Variants in CLSPN observed in about 807,000 individuals in gnomAD.
The protein encoded by CLSPN is claspin, also known as claspin homolog.
Under a neutral mutation model 156.3 loss-of-function variants are expected in CLSPN, and 85 were observed. The ratio of observed to expected loss-of-function variants is 0.54; its 90% CI spans 0.46 to 0.65. The LOEUF (loss-of-function observed/expected upper bound fraction) is 0.65, where lower values mean the gene tolerates loss of function less well. Among genes scored for constraint, CLSPN ranks in the 30% least tolerant of loss-of-function variants. CLSPN has a pLI of 0.00. For missense variants in CLSPN, 1,407 were observed against 1,554.9 expected (o/e 0.90, Z 1.60); for synonymous variants, 534 against 542.4 (o/e 0.98, Z 0.22).
chr1:35,744,906 C>T (rs12038463), intron 16 of CLSPN, among the ~76,000 whole-genome samples: 28,090 of 151,844 alleles, frequency 0.18, 4,120 homozygotes, highest in East Asian at 0.71. Flanking sequence ...CTCTGCCTCC[C>T]GGGTTCAAGC....
At chr1:35,737,120 T>C in intron 23 of CLSPN, 45 bp from the exon 24 acceptor site, 1 of 1,588,574 alleles carries the variant, frequency 6.3e-7, no homozygotes, top group South Asian at 1.1e-5. Flanking sequence ...AAGTGCCAAC[T>C]AAAGAATGAA....
chr1:35,738,488 C>T lies in CLSPN; in HGVS notation c.3525G>A (p.Glu1175=), dbSNP rs1376888693. Residue 1175 remains glutamate (E), a synonymous_variant, in exon 21 of 25, where the codon GAG becomes GAA. Transcript: ENST00000318121. The part of the protein sequence containing the change: ...LDESEARWRK[E]RIEREQWLRD... ...GAAGCCACTGCTCTCGTTCAATTCG[C>T]TCCTTCCTCCACCTGGCTTCTGACT... 3 of 1,613,986 alleles carry T rather than the reference C, an allele frequency of 1.9e-6. No homozygotes were observed. Among genetic ancestry groups the T allele is most frequent in the Non-Finnish European group, 2.5e-6 (3 of 1,179,914 alleles).
chr1:35,743,366 A>T, intron 17 of CLSPN, 89 bp downstream of exon 17: 1 of 1,386,150 alleles, frequency 7.2e-7, no homozygotes, highest in Non-Finnish European at 1.0e-6. Flanking sequence ...TGCCAAACTT[A>T]GAATTCTCAA....
downstream of CLSPN, among the ~76,000 whole-genome samples, chr1:35,729,231 C>T (rs146527348): frequency 1.1e-4 from 16 of 152,278 alleles, no homozygotes; most frequent in African/African-American, 3.9e-4. Flanking sequence ...GCACTTTCTA[C>T]CCCTTGGACT....
chr1:35,721,655 T>C (rs936673989), intron 24 of CLSPN, among the ~76,000 whole-genome samples: 33 of 151,862 alleles, frequency 2.2e-4, no homozygotes, highest in Non-Finnish European at 3.5e-4. Flanking sequence ...CCCAAAGTGC[T>C]GGGATTACAG....
intron 18 of CLSPN, 144 bp downstream of exon 18, chr1:35,742,997 G>A (rs1641747924): frequency 4.8e-6 from 3 of 629,648 alleles, no homozygotes; most frequent in Non-Finnish European, 8.6e-6. Context: ...ACCAAGACCA[G>A]GCTGGTCTTG....
chr1:35,753,893 T>C lies in CLSPN; in HGVS notation c.1623A>G (p.Pro541=). ...LKQRFWKHAN[P]AAKPRAGQTV... ...TCTGACCAGCCCTGGGTTTGGCTGC[T>C]GGATTAGCATGCTTCCAGAAACGCT... The change falls in exon 9 of 25, where the codon CCA becomes CCG. Residue 541 remains proline, a synonymous_variant. Coordinates refer to ENST00000318121, the MANE Select transcript of CLSPN (RefSeq NM_022111.4). 6.2e-7 allele frequency: 1 copy of C among 1,614,244 alleles called. No individual in the cohort carries two copies. Among genetic ancestry groups the C allele is most frequent in the Non-Finnish European group, 8.5e-7 (1 of 1,180,036 alleles).
intron 24 of CLSPN, among the ~76,000 whole-genome samples, chr1:35,723,547 T>C (rs1309731738): frequency 6.6e-6 from 1 of 152,190 alleles, no homozygotes; most frequent in Non-Finnish European, 1.5e-5. Context: ...AAGATCAAGG[T>C]GTTTCAGCTT....
chr1:35,743,122 A>G lies in CLSPN; in HGVS notation c.3143+19T>C. 1.9e-6 allele frequency: 3 copies of G among 1,587,832 alleles called. No individual in the cohort carries two copies. The highest frequency in any genetic ancestry group is 1.7e-6 in the Non-Finnish European group (2 of 1,156,580). On this transcript the variant is annotated intron_variant, in intron 18 of 24. Coordinates refer to ENST00000318121, the MANE Select transcript of CLSPN (RefSeq NM_022111.4). ...ATTTTAAATACACCTGAAGGAATGGACATATTAATAACACGTACATTTGCC... is the reference window on the plus strand; with the variant it reads ...ATTTTAAATACACCTGAAGGAATGGGCATATTAATAACACGTACATTTGCC...
At position 35,735,738 on chromosome 1, in the gene CLSPN, G is replaced by T; in HGVS notation, c.*758C>A. The stretch of plus-strand genomic sequence containing the variant: ...AAAAAAGAAATCTTTCTTTCACCGA[G>T]CCCTGGTCATCATGGTACGTATCTC... On this transcript the variant is annotated 3_prime_UTR_variant, in exon 25 of 25. Transcript: ENST00000318121. The T allele has an allele frequency of 2.0e-6, 2 of 984,270 alleles. No individual in the cohort carries two copies. The highest frequency in any genetic ancestry group is 2.4e-6 in the Non-Finnish European group (2 of 829,420). 61.0% of individuals were successfully genotyped at this position (984,270 alleles called of 1,614,324 possible).
chr1:35,745,692 T>G, intron 15 of CLSPN, 130 bp from the exon 16 acceptor site: 1 of 645,904 alleles, frequency 1.5e-6, no homozygotes, highest in African/African-American at 1.8e-5. Flanking sequence ...TACCATCTAT[T>G]CATTCAACAA....
intron 1 of CLSPN, among the ~76,000 whole-genome samples, chr1:35,769,169 A>G (rs1642774444): frequency 1.3e-5 from 2 of 152,162 alleles, no homozygotes; most frequent in Non-Finnish European, 2.9e-5. Context: ...TTAAAATATG[A>G]GTTTGATTGA....
chr1:35,737,922 TAG>T, intron 22 of CLSPN, 68 bp downstream of exon 22: 1 of 826,044 alleles, frequency 1.2e-6, no homozygotes, highest in Non-Finnish European at 1.8e-6. Flanking sequence ...TCCTGAAGGT[TAG>T]AGTCACCTCC....
At chr1:35,722,033 GGA>G (rs777220946) in intron 24 of CLSPN, among the ~76,000 whole-genome samples, 4 of 151,714 alleles carry the variant, frequency 2.6e-5, no homozygotes, top group Non-Finnish European at 5.9e-5. Context: ...CAGCTATTCA[GGA>G]GGCTGAAGCA....
downstream of CLSPN, among the ~76,000 whole-genome samples, chr1:35,731,840 A>T (rs900133227): frequency 6.6e-6 from 1 of 152,212 alleles, no homozygotes; most frequent in East Asian, 1.9e-4. Context: ...GCAGGTTTTT[A>T]GAGAAGATCA....
chr1:35,764,588 T>C lies in CLSPN; in HGVS notation c.260A>G (p.Glu87Gly). 1 of 1,614,012 alleles carries C rather than the reference T, an allele frequency of 6.2e-7. No homozygotes were observed. The highest frequency in any genetic ancestry group is 8.5e-7 in the Non-Finnish European group (1 of 1,179,986). ...CCCAGCATATAAATTCTCTTTATTT[T>C]CCTCCTCGGCACTGTCATAGGTAGT... ...EKTTYDSAEE[E>G]NKENLYAGKN... Residue 87 changes from glutamate to glycine, a missense_variant, in exon 3 of 25, where the codon GAA becomes GGA. Coordinates refer to ENST00000318121, the MANE Select transcript of CLSPN (RefSeq NM_022111.4).
At position 35,738,478 on chromosome 1, in the gene CLSPN, G is replaced by C. The variant is rs774710103; in HGVS notation, c.3535C>G (p.Arg1179Gly). 2.5e-6 allele frequency: 4 copies of C among 1,613,810 alleles called. No homozygotes were observed. Among genetic ancestry groups the C allele is most frequent in the Non-Finnish European group, 3.4e-6 (4 of 1,179,838 alleles). The stretch of plus-strand genomic sequence containing the variant: ...ACCATGTCCCGAAGCCACTGCTCTC[G>C]TTCAATTCGCTCCTTCCTCCACCTG... ...EARWRKERIEREQWLRDMAQQ... is the reference protein window; with the variant it reads ...EARWRKERIEGEQWLRDMAQQ... The change falls in exon 21 of 25, where the codon CGA (arginine) becomes GGA (glycine). Residue 1179 changes from arginine (R) to glycine (G), a missense_variant. Around this residue, in one of 3 missense-constraint regions of CLSPN, gnomAD observed 241 missense variants for 240.5 expected, o/e 1.00. Transcript: ENST00000318121.
In CLSPN at chr1:35,751,262, T is replaced by A. The variant is rs766048876; in HGVS notation, c.2016A>T (p.Glu672Asp). 3 of 1,597,556 alleles carry A rather than the reference T, an allele frequency of 1.9e-6. No homozygotes were observed. The highest frequency in any genetic ancestry group is 2.5e-6 in the Non-Finnish European group (3 of 1,178,174). The change falls in exon 10 of 25, where the codon GAA (glutamate) becomes GAT (aspartate). Residue 672 changes from glutamate (E) to aspartate (D), a missense_variant. Glu to Asp is a conservative substitution (Grantham distance 45). This residue lies in a region of CLSPN where 1,096 missense variants were observed against 1,193.0 expected (regional missense o/e 0.92). Coordinates refer to ENST00000318121, the MANE Select transcript of CLSPN (RefSeq NM_022111.4). Reference protein sequence around the residue: ...EEEKEEEEEEEGNQETAEFLL... With the variant: ...EEEKEEEEEEDGNQETAEFLL... ...AATTGCCAGAAACCTCCTGATTTCCTTCTTCTTCCTCCTCCTCTTCTTTCT... is the reference window on the plus strand; with the variant it reads ...AATTGCCAGAAACCTCCTGATTTCCATCTTCTTCCTCCTCCTCTTCTTTCT...
intron 1 of CLSPN, among the ~76,000 whole-genome samples, chr1:35,768,574 G>A (rs1316310296): frequency 4.1e-5 from 6 of 145,476 alleles, no homozygotes; most frequent in Admixed American, 3.6e-4. Flanking sequence ...GGCGACGCCC[G>A]GCTAATTTTT....
Sources: allele counts gnomAD v4.1 joint callset (sites outside exome capture counted in the v4.1 genomes callset), GRCh38; gene constraint gnomAD v4.1.1; regional missense constraint gnomAD v4.1.1; transcripts MANE v1.5; gene names NCBI Gene and HGNC (gene_info 2026-07-23, HGNC 2026-07-21).